SNX30: variants seen among roughly 807,000 people sequenced by gnomAD.
The protein encoded by SNX30 is sorting nexin family member 30.
Under a neutral mutation model 46.4 loss-of-function variants are expected in SNX30, and 24 were observed. The ratio of observed to expected loss-of-function variants is 0.52; its 90% confidence interval spans 0.37 to 0.73. The LOEUF (loss-of-function observed/expected upper bound fraction) is 0.73, where lower values mean the gene tolerates loss of function less well. Among genes scored for constraint, SNX30 ranks in the 30% least tolerant of loss-of-function variants. The pLI, the probability that SNX30 is intolerant of heterozygous loss-of-function variation, is 0.00. For missense variants in SNX30, 533 were observed against 555.7 expected, an observed-to-expected ratio of 0.96 and a Z score of 0.41; for synonymous variants, 189 against 211.5, an observed-to-expected ratio of 0.89 and a Z score of 0.92.
chr9:112,865,661 A>ATATGTGTGTGTG lies in SNX30; in HGVS notation c.1254+1263_1254+1264insATGTGTGTGTGT. 1.0e-4 allele frequency among the ~76,000 whole-genome samples: 11 copies of ATATGTGTGTGTG among 105,684 alleles called. 1 individual carries two copies. The highest frequency in any genetic ancestry group is 3.8e-4 in the African/African-American group (10 of 26,348). 69.3% of individuals were successfully genotyped at this position (105,684 alleles called of 152,430 possible). A position where few individuals can be genotyped will look rare whatever the true frequency, so the allele number is the denominator to read the frequency against. ...TATATATATATATATATATATATAT[A>ATATGTGTGTGTG]TGTATGTATGTATGCACACACACAC... On this transcript the variant is annotated intron_variant, in intron 8 of 8. Coordinates refer to ENST00000374232, the MANE Select transcript of SNX30 (RefSeq NM_001012994.2).
At chr9:112,778,304 G>A (rs1224591136) in intron 1 of SNX30, among the ~76,000 whole-genome samples, 1 of 121,266 alleles carries the variant, frequency 8.2e-6, no homozygotes, top group East Asian at 2.4e-4. Flanking sequence ...ATGGAGTCTT[G>A]CTCTGTCACC....
chr9:112,814,413 G>A (rs1239550622), intron 2 of SNX30, among the ~76,000 whole-genome samples: 2 of 151,934 alleles, frequency 1.3e-5, no homozygotes, highest in Admixed American at 1.3e-4. Context: ...GCTAATTTTT[G>A]CATTTTTTGT....
chr9:112,751,743 C>T (rs1839281281), intron 1 of SNX30, among the ~76,000 whole-genome samples: 1 of 152,140 alleles, frequency 6.6e-6, no homozygotes, highest in South Asian at 2.1e-4. Flanking sequence ...CTGTCTGGGG[C>T]TCCATTCACC....
rs945894020 is a variant in SNX30, at chr9:112,870,642, C to A, written c.*1799C>A. ...CGGACAGGTAAGAACAACCCATGTACCCCCGAGTGATTGCATGCTTTATTC... is the reference window on the plus strand; with the variant it reads ...CGGACAGGTAAGAACAACCCATGTAACCCCGAGTGATTGCATGCTTTATTC... On this transcript the variant is annotated 3_prime_UTR_variant, in exon 9 of 9. Coordinates refer to ENST00000374232, the MANE Select transcript of SNX30 (RefSeq NM_001012994.2). 6.6e-6 allele frequency: 1 copy of A among 152,216 alleles called. No homozygotes were observed. Among genetic ancestry groups the A allele is most frequent in the African/African-American group, 2.4e-5 (1 of 41,442 alleles). 9.4% of individuals were successfully genotyped at this position (152,216 alleles called of 1,614,324 possible). A position where few individuals can be genotyped will look rare whatever the true frequency, so the allele number is the denominator to read the frequency against.
chr9:112,794,166 T>G (rs942096316), intron 1 of SNX30, among the ~76,000 whole-genome samples: 5 of 152,190 alleles, frequency 3.3e-5, no homozygotes, highest in African/African-American at 1.2e-4. Flanking sequence ...TTTTCTTTTT[T>G]TTTGAGATGG....
chr9:112,753,708 C>T (rs979085232), intron 1 of SNX30, among the ~76,000 whole-genome samples: 1 of 152,180 alleles, frequency 6.6e-6, no homozygotes, highest in East Asian at 1.9e-4. Context: ...TAATGAATCT[C>T]CTAACAGCTG....
intron 3 of SNX30, among the ~76,000 whole-genome samples, chr9:112,820,964 A>T (rs1214772929): frequency 2.6e-5 from 4 of 152,338 alleles, no homozygotes; most frequent in South Asian, 4.1e-4. Flanking sequence ...CCTTTTGGCT[A>T]TTATGAGTAA....
intron 1 of SNX30, among the ~76,000 whole-genome samples, chr9:112,762,884 C>T (rs1326177571): frequency 2.0e-5 from 3 of 152,246 alleles, no homozygotes. Context: ...GAGCACGAGC[C>T]TCGGTTATTC....
At chr9:112,785,340 C>T (rs113590013) in intron 1 of SNX30, among the ~76,000 whole-genome samples, 1,661 of 151,644 alleles carry the variant, frequency 0.011, 26 homozygotes, top group African/African-American at 0.037. Context: ...CTCATCCTCC[C>T]GAGTAGCTGG....
chr9:112,881,227 C>T (rs1490230584), intron 5 of SNX30, among the ~76,000 whole-genome samples: 14 of 152,172 alleles, frequency 9.2e-5, no homozygotes, highest in Non-Finnish European at 1.9e-4. Context: ...CTCCAGAATC[C>T]TCAGGTTCTA....
At chr9:112,804,626 CAAG>C in intron 1 of SNX30, 147 bp from the exon 2 acceptor site, 1 of 610,502 alleles carries the variant, frequency 1.6e-6, no homozygotes, top group South Asian at 2.3e-5. Flanking sequence ...TTTGTTCACT[CAAG>C]AAACACTGAG....
chr9:112,806,661 G>T (rs1039250329), intron 2 of SNX30, among the ~76,000 whole-genome samples: 8 of 152,054 alleles, frequency 5.3e-5, no homozygotes, highest in African/African-American at 1.9e-4. Context: ...TTTTATATTT[G>T]TAAAAAAATA....
intron 3 of SNX30, among the ~76,000 whole-genome samples, chr9:112,826,664 T>C (rs1295856137): frequency 6.6e-6 from 1 of 152,120 alleles, no homozygotes; most frequent in African/African-American, 2.4e-5. Context: ...TGATGCCCAG[T>C]CAATGGGCTT....
chr9:112,766,829 A>G (rs1213098246), intron 1 of SNX30, among the ~76,000 whole-genome samples: 1 of 152,166 alleles, frequency 6.6e-6, no homozygotes, highest in African/African-American at 2.4e-5. Flanking sequence ...TTCATTGTGT[A>G]TATGTATCAC....
chr9:112,792,814 A>T (rs935240229), intron 1 of SNX30, among the ~76,000 whole-genome samples: 9 of 150,644 alleles, frequency 6.0e-5, no homozygotes, highest in African/African-American at 2.2e-4. Flanking sequence ...GCTTTTGTTT[A>T]TAACTTTTGT....
downstream of SNX30, chr9:112,878,494 G>T (rs1035571967): frequency 6.6e-6 from 1 of 152,224 alleles, no homozygotes. Flanking sequence ...TGGATTCCGT[G>T]CTCCCTTATA....
At position 112,864,364 on chromosome 9, in the gene SNX30, G is replaced by C; in HGVS notation, c.1219G>C (p.Gly407Arg). The C allele has an allele frequency of 6.2e-7, 1 of 1,614,228 alleles. No individual in the cohort carries two copies. The highest frequency in any genetic ancestry group is 8.5e-7 in the Non-Finnish European group (1 of 1,180,040). Reference protein sequence around the residue: ...KRQDFRQLLMGMADKNIQYYE... With the variant: ...KRQDFRQLLMRMADKNIQYYE... ...GCAGGACTTCCGGCAGCTACTCATG[G>C]GGATGGCTGACAAGAACATCCAGTA... The change falls in exon 8 of 9, where the codon GGG becomes CGG. Residue 407 changes from glycine to arginine, a missense_variant. By Grantham distance (125) the Gly-to-Arg change is moderately radical. Around this residue, in one of 3 missense-constraint regions of SNX30, gnomAD observed 261 missense variants for 270.9 expected, o/e 0.96. Coordinates refer to ENST00000374232, the MANE Select transcript of SNX30 (RefSeq NM_001012994.2).
At chr9:112,818,387 G>A (rs765123293) in intron 3 of SNX30, among the ~76,000 whole-genome samples, 14 of 151,952 alleles carry the variant, frequency 9.2e-5, no homozygotes, top group Non-Finnish European at 1.9e-4. Flanking sequence ...ATGCCACCAC[G>A]CCCAGCTAGT....
intron 5 of SNX30, among the ~76,000 whole-genome samples, chr9:112,838,239 T>C (rs1396340754): frequency 6.6e-6 from 1 of 152,184 alleles, no homozygotes; most frequent in Non-Finnish European, 1.5e-5. Flanking sequence ...CTACTGCTTT[T>C]CCCCATAAGG....
Sources: allele counts gnomAD v4.1 joint callset (sites outside exome capture counted in the v4.1 genomes callset), GRCh38; gene constraint gnomAD v4.1.1; regional missense constraint gnomAD v4.1.1; transcripts MANE v1.5; gene names NCBI Gene and HGNC (gene_info 2026-07-23, HGNC 2026-07-21).